STK33: variants seen among roughly 807,000 people sequenced by gnomAD.
The protein encoded by STK33 is serine/threonine kinase 33.
STK33 carries 52 observed loss-of-function variants against 58.0 expected under a neutral mutation model. The observed-to-expected ratio is 0.90, with a 90% confidence interval of 0.72 to 1.13. STK33 has a LOEUF of 1.13. Among genes scored for constraint, STK33 ranks in the 50% most tolerant of loss-of-function variants. STK33 has a pLI of 0.00. For missense variants in STK33, 630 were observed against 604.2 expected, an observed-to-expected ratio of 1.04 and a Z score of -0.45; for synonymous variants, 215 against 200.1, an observed-to-expected ratio of 1.07 and a Z score of -0.63.
At chr11:8,503,357 A>T (rs563160632) in intron 1 of STK33, among the ~76,000 whole-genome samples, 1 of 152,330 alleles carries the variant, frequency 6.6e-6, no homozygotes, top group South Asian at 2.1e-4. Context: ...TAAGCAGACT[A>T]ATGCAGGAAC....
chr11:8,565,542 C>A (rs555634615), intron 1 of STK33, among the ~76,000 whole-genome samples: 1 of 152,310 alleles, frequency 6.6e-6, no homozygotes, highest in Non-Finnish European at 1.5e-5. Context: ...GTTATTGAAA[C>A]TCATTCAGCC....
chr11:8,498,462 T>G (rs1348115700), intron 1 of STK33, among the ~76,000 whole-genome samples: 2 of 152,156 alleles, frequency 1.3e-5, no homozygotes, highest in Non-Finnish European at 2.9e-5. Context: ...TGAAAAAACA[T>G]TCCATGCTCA....
At chr11:8,521,024 ATATTT>A (rs1334135370) in intron 1 of STK33, among the ~76,000 whole-genome samples, 10 of 149,606 alleles carry the variant, frequency 6.7e-5, no homozygotes, top group Admixed American at 5.4e-4. Context: ...ATAATTTATT[ATATTT>A]ATTTATAAAT....
At chr11:8,417,831 G>C (rs1256103821) in intron 14 of STK33, among the ~76,000 whole-genome samples, 1 of 152,090 alleles carries the variant, frequency 6.6e-6, no homozygotes. Context: ...GGAGGAACAA[G>C]CACTCTCACT....
At chr11:8,581,774 T>C (rs1483198514) in intron 1 of STK33, among the ~76,000 whole-genome samples, 1 of 152,270 alleles carries the variant, frequency 6.6e-6, no homozygotes, top group Non-Finnish European at 1.5e-5. Flanking sequence ...AAATCTTCTT[T>C]CACGGAACGT....
At chr11:8,440,148 T>A (rs1438054748) in intron 12 of STK33, among the ~76,000 whole-genome samples, 1 of 151,956 alleles carries the variant, frequency 6.6e-6, no homozygotes, top group African/African-American at 2.4e-5. Context: ...TGACTGAATC[T>A]TGAGAATGAC....
At chr11:8,534,565 T>TGTG (rs1954829417) in intron 1 of STK33, among the ~76,000 whole-genome samples, 1 of 112,758 alleles carries the variant, frequency 8.9e-6, no homozygotes, top group East Asian at 2.3e-4. Flanking sequence ...TCTCTCTCTC[T>TGTG]CTCTGTGTGT....
At chr11:8,461,321 G>A (rs2057907658) in intron 8 of STK33, among the ~76,000 whole-genome samples, 1 of 152,140 alleles carries the variant, frequency 6.6e-6, no homozygotes, top group African/African-American at 2.4e-5. Context: ...GTAAAGAGAA[G>A]AATGATAGCA....
intron 1 of STK33, among the ~76,000 whole-genome samples, chr11:8,531,077 TAGAA>T (rs1232527442): frequency 6.6e-6 from 1 of 152,124 alleles, no homozygotes; most frequent in Non-Finnish European, 1.5e-5. Context: ...ATTAAATACA[TAGAA>T]AGTAGGAAGA....
chr11:8,579,124 T>C (rs539619322), intron 1 of STK33, among the ~76,000 whole-genome samples: 2 of 152,186 alleles, frequency 1.3e-5, no homozygotes, highest in Admixed American at 6.5e-5. Context: ...TTAAAATGTG[T>C]GGCATTCAAT....
chr11:8,352,700 A>G, the STK33 span, among the ~76,000 whole-genome samples: 1 of 152,232 alleles, frequency 6.6e-6, no homozygotes, highest in Non-Finnish European at 1.5e-5. Context: ...CCATTTTGCC[A>G]CATAAGTATG....
intron 1 of STK33, among the ~76,000 whole-genome samples, chr11:8,539,340 G>C (rs1160843855): frequency 6.6e-6 from 1 of 152,176 alleles, no homozygotes; most frequent in Non-Finnish European, 1.5e-5. Flanking sequence ...ATCTCAAAAT[G>C]TTCCCTCAGT....
chr11:8,439,393 T>C (rs1305197346), intron 12 of STK33, among the ~76,000 whole-genome samples: 1 of 152,182 alleles, frequency 6.6e-6, no homozygotes, highest in Non-Finnish European at 1.5e-5. Flanking sequence ...TTTACACATG[T>C]GTAAACCTTC....
chr11:8,510,328 G>A (rs531212600), intron 1 of STK33, among the ~76,000 whole-genome samples: 49 of 152,200 alleles, frequency 3.2e-4, no homozygotes, highest in African/African-American at 1.2e-3. Flanking sequence ...CATGTCCTTT[G>A]CCTACTTTTG....
the STK33 span, among the ~76,000 whole-genome samples, chr11:8,368,851 T>A: frequency 6.6e-6 from 1 of 152,222 alleles, no homozygotes; most frequent in South Asian, 2.1e-4. Flanking sequence ...AGACATGAAA[T>A]AAGCATGCCC....
intron 15 of STK33, among the ~76,000 whole-genome samples, chr11:8,403,353 G>A (rs1264839445): frequency 6.6e-6 from 1 of 152,194 alleles, no homozygotes; most frequent in Non-Finnish European, 1.5e-5. Context: ...AAAGGGACCA[G>A]AGAATGTTTA....
intron 1 of STK33, among the ~76,000 whole-genome samples, chr11:8,523,539 C>T (rs1206414439): frequency 4.1e-5 from 6 of 147,326 alleles, no homozygotes; most frequent in Non-Finnish European, 7.5e-5. Context: ...GTCTGGGAAG[C>T]GAGGAGCCCC....
the STK33 span, among the ~76,000 whole-genome samples, chr11:8,339,546 T>G: frequency 6.6e-6 from 1 of 152,216 alleles, no homozygotes; most frequent in Non-Finnish European, 1.5e-5. Context: ...GATGTGTGCT[T>G]AGAGGGTGCA....
chr11:8,570,410 T>C (rs1957728694), intron 1 of STK33, among the ~76,000 whole-genome samples: 1 of 152,208 alleles, frequency 6.6e-6, no homozygotes, highest in Non-Finnish European at 1.5e-5. Flanking sequence ...ACTCCAATCT[T>C]AGGTAATCAC....
Sources: gnomAD v4.1 joint callset for allele counts (sites outside exome capture counted in the v4.1 genomes callset) on GRCh38, gnomAD v4.1.1 for gene constraint, MANE v1.5 for transcripts, NCBI Gene and HGNC (gene_info 2026-07-23, HGNC 2026-07-21) for gene names.